Variants in ASXL3 observed in about 807,000 individuals in gnomAD.
The protein encoded by ASXL3 is ASXL transcriptional regulator 3.
ASXL3 carries 34 observed loss-of-function variants against 170.6 expected under a neutral mutation model. That is an observed-to-expected ratio of 0.20 (90% CI 0.15 to 0.27). The LOEUF (loss-of-function observed/expected upper bound fraction) is 0.27, where lower values mean the gene tolerates loss of function less well. ASXL3 is among the 10% of genes least tolerant of loss of function. The pLI, the probability that ASXL3 is intolerant of heterozygous loss-of-function variation, is 1.00. For missense variants in ASXL3, 2,592 were observed against 2,695.3 expected (o/e 0.96, Z 0.85); for synonymous variants, 1,002 against 989.1 (o/e 1.01, Z -0.24).
chr18:33,749,028 T>G lies in ASXL3; in HGVS notation c.*2433T>G, dbSNP rs2067842793. On this transcript the variant is annotated 3_prime_UTR_variant, in exon 12 of 12. Transcript: ENST00000269197. ...GGCTTGGAGAATCAGTTGTTGATAG[T>G]GCATGGATTCTATCATCCAGGTCCG... 1 of 151,608 alleles carries G rather than the reference T, an allele frequency of 6.6e-6. No individual in the cohort carries two copies. Among genetic ancestry groups the G allele is most frequent in the African/African-American group, 2.4e-5 (1 of 41,274 alleles). 9.4% of individuals were successfully genotyped at this position (151,608 alleles called of 1,614,324 possible). A position where few individuals can be genotyped will look rare whatever the true frequency, so the allele number is the denominator to read the frequency against.
intron 4 of ASXL3, among the ~76,000 whole-genome samples, chr18:33,653,518 A>G (rs535441724): frequency 4.6e-5 from 7 of 152,242 alleles, no homozygotes; most frequent in African/African-American, 1.7e-4. Flanking sequence ...AACACAGAGG[A>G]AAGCGAATAC....
At chr18:33,621,240 T>A (rs1599406340) in intron 2 of ASXL3, among the ~76,000 whole-genome samples, 2 of 152,176 alleles carry the variant, frequency 1.3e-5, no homozygotes, top group African/African-American at 4.8e-5. Context: ...AATATTTGAC[T>A]CATCTTTAAG....
intron 2 of ASXL3, among the ~76,000 whole-genome samples, chr18:33,613,028 A>G (rs896804199): frequency 6.6e-6 from 1 of 152,076 alleles, no homozygotes; most frequent in African/African-American, 2.4e-5. Context: ...GTATGAGACA[A>G]TGGTGTTATT....
At chr18:33,682,036 A>G (rs1186400103) in intron 7 of ASXL3, among the ~76,000 whole-genome samples, 1 of 152,118 alleles carries the variant, frequency 6.6e-6, no homozygotes, top group Non-Finnish European at 1.5e-5. Flanking sequence ...CTGTATTTTC[A>G]TAATTAAAAA....
intron 8 of ASXL3, among the ~76,000 whole-genome samples, chr18:33,711,234 C>T (rs1452041217): frequency 1.3e-5 from 2 of 152,054 alleles, no homozygotes; most frequent in East Asian, 1.9e-4. Context: ...GGGAAACAGA[C>T]AATTTTTTAT....
chr18:33,668,578 A>G (rs1017416639), intron 5 of ASXL3, among the ~76,000 whole-genome samples: 1 of 152,174 alleles, frequency 6.6e-6, no homozygotes, highest in African/African-American at 2.4e-5. Context: ...ATATTCAAAA[A>G]ACATCATACA....
intron 4 of ASXL3, among the ~76,000 whole-genome samples, chr18:33,656,064 T>C (rs1200376911): frequency 6.6e-6 from 1 of 152,042 alleles, no homozygotes; most frequent in South Asian, 2.1e-4. Context: ...TCAATAAAAG[T>C]TGTGCAACTG....
intron 8 of ASXL3, among the ~76,000 whole-genome samples, chr18:33,722,675 C>T (rs1483762771): frequency 1.3e-5 from 2 of 152,070 alleles, no homozygotes; most frequent in Non-Finnish European, 2.9e-5. Context: ...GATGTAGAAG[C>T]CACAGCAAGT....
chr18:33,657,942 G>A (rs538098183), intron 4 of ASXL3, among the ~76,000 whole-genome samples: 50 of 152,206 alleles, frequency 3.3e-4, no homozygotes, highest in African/African-American at 9.1e-4. Flanking sequence ...CTCATCTTCA[G>A]TTTGAAAAGG....
At chr18:33,733,077 A>G (rs1485988834) in intron 9 of ASXL3, among the ~76,000 whole-genome samples, 3 of 152,000 alleles carry the variant, frequency 2.0e-5, no homozygotes, top group Non-Finnish European at 4.4e-5. Context: ...CTATTCTTCC[A>G]TCTGATGCCT....
intron 1 of ASXL3, among the ~76,000 whole-genome samples, chr18:33,595,439 A>G (rs1021436959): frequency 3.3e-5 from 5 of 152,188 alleles, no homozygotes; most frequent in Non-Finnish European, 7.3e-5. Context: ...TATCTTTTTA[A>G]AATATCCTAT....
chr18:33,635,419 T>C (rs1367856818), intron 2 of ASXL3, among the ~76,000 whole-genome samples: 1 of 152,210 alleles, frequency 6.6e-6, no homozygotes, highest in Non-Finnish European at 1.5e-5. Flanking sequence ...TTACTCTGCT[T>C]TCCTCTGGTT....
At chr18:33,621,320 C>T (rs919803852) in intron 2 of ASXL3, among the ~76,000 whole-genome samples, 14 of 152,064 alleles carry the variant, frequency 9.2e-5, no homozygotes, top group Non-Finnish European at 1.8e-4. Flanking sequence ...TAAGTGAAGG[C>T]TGAACCCTGT....
intron 1 of ASXL3, among the ~76,000 whole-genome samples, chr18:33,603,736 G>T (rs1181966054): frequency 1.3e-5 from 2 of 152,070 alleles, no homozygotes; most frequent in Non-Finnish European, 2.9e-5. Context: ...GAAGAAAAAA[G>T]AAAGTAGCTG....
At chr18:33,647,136 T>G (rs143473406) in intron 4 of ASXL3, among the ~76,000 whole-genome samples, 1 of 152,084 alleles carries the variant, frequency 6.6e-6, no homozygotes, top group Non-Finnish European at 1.5e-5. Context: ...GTAAATTACC[T>G]TTAAACAGAC....
rs1475614603 is a variant in ASXL3, at chr18:33,743,525, G to A, written c.3677G>A (p.Ser1226Asn). Reference protein sequence around the residue: ...IVSSTSSENSSVPMLFNKNSV... With the variant: ...IVSSTSSENSNVPMLFNKNSV... Reference sequence around the variant, plus strand: ...TCATCTACCTCTTCTGAAAATAGCAGTGTGCCCATGCTTTTTAATAAAAAT... The same window carrying A: ...TCATCTACCTCTTCTGAAAATAGCAATGTGCCCATGCTTTTTAATAAAAAT... The change falls in exon 12 of 12, where the codon AGT (serine) becomes AAT (asparagine). Residue 1226 changes from serine (S) to asparagine (N), a missense_variant. Physicochemically the swap from Ser to Asn is conservative, Grantham distance 46 (BLOSUM62 1). Around this residue, in one of 4 missense-constraint regions of ASXL3, gnomAD observed 2,246 missense variants for 2,219.6 expected, o/e 1.01. Transcript: ENST00000269197. The A allele has an allele frequency of 6.2e-7, 1 of 1,613,320 alleles. No individual in the cohort carries two copies.
At chr18:33,699,784 A>G (rs923865219) in intron 8 of ASXL3, among the ~76,000 whole-genome samples, 1 of 152,082 alleles carries the variant, frequency 6.6e-6, no homozygotes, top group African/African-American at 2.4e-5. Context: ...GCTGTAATAC[A>G]TGGGGTATTT....
intron 8 of ASXL3, among the ~76,000 whole-genome samples, chr18:33,723,751 G>A (rs369768850): frequency 4.9e-4 from 74 of 152,246 alleles, no homozygotes; most frequent in African/African-American, 1.6e-3. Flanking sequence ...AGCATCACAT[G>A]CTACAGATAA....
intron 1 of ASXL3, among the ~76,000 whole-genome samples, chr18:33,600,762 T>A (rs1568270627): frequency 6.6e-6 from 1 of 152,246 alleles, no homozygotes; most frequent in East Asian, 1.9e-4. Context: ...GAATGACCAC[T>A]TTGTTTGAAA....
Sources: allele counts gnomAD v4.1 joint callset (sites outside exome capture counted in the v4.1 genomes callset), GRCh38; gene constraint gnomAD v4.1.1; regional missense constraint gnomAD v4.1.1; transcripts MANE v1.5; gene names NCBI Gene and HGNC (gene_info 2026-07-23, HGNC 2026-07-21).